GALK2: variants seen among roughly 807,000 people sequenced by gnomAD.
The protein encoded by GALK2 is N-acetylgalactosamine kinase.
A neutral mutation model predicts 52.4 loss-of-function variants in GALK2; 36 were observed. The observed-to-expected ratio is 0.69, with a 90% CI of 0.53 to 0.91. The LOEUF (loss-of-function observed/expected upper bound fraction) is 0.91, where lower values mean the gene tolerates loss of function less well. GALK2 is among the 40% of genes least tolerant of loss of function. GALK2 has a pLI of 0.00. For synonymous variants in GALK2, 176 were observed against 199.1 expected (o/e 0.88, Z 0.98); for missense variants, 579 against 559.1 (o/e 1.04, Z -0.36).
chr15:49,250,994 A>G (rs531153573), intron 5 of GALK2, among the ~76,000 whole-genome samples: 2 of 152,298 alleles, frequency 1.3e-5, no homozygotes, highest in African/African-American at 2.4e-5. Flanking sequence ...ATGTCATGCA[A>G]AAGTAGCATA....
chr15:49,314,781 A>T (rs559626404), intron 8 of GALK2, among the ~76,000 whole-genome samples: 2 of 152,358 alleles, frequency 1.3e-5, no homozygotes, highest in Admixed American at 1.3e-4. Flanking sequence ...AATAGAATGG[A>T]GAAAATATGT....
At chr15:49,309,707 G>C (rs2035831570) in intron 8 of GALK2, among the ~76,000 whole-genome samples, 1 of 151,514 alleles carries the variant, frequency 6.6e-6, no homozygotes, top group Admixed American at 6.6e-5. Flanking sequence ...TGCAACCTCT[G>C]CTTCCCGGGT....
intron 7 of GALK2, among the ~76,000 whole-genome samples, chr15:49,286,522 A>G (rs1168052070): frequency 1.3e-5 from 2 of 152,206 alleles, no homozygotes; most frequent in South Asian, 2.1e-4. Context: ...CGAGGAAAAT[A>G]AAAGCTTTTT....
chr15:49,188,401 C>T (rs367884061), intron 1 of GALK2, among the ~76,000 whole-genome samples: 42 of 152,298 alleles, frequency 2.8e-4, no homozygotes, highest in African/African-American at 9.9e-4. Flanking sequence ...TCTACTGTTA[C>T]AAGACAGCAC....
At chr15:49,182,772 TG>T (rs1488778185) in intron 1 of GALK2, among the ~76,000 whole-genome samples, 3 of 152,252 alleles carry the variant, frequency 2.0e-5, no homozygotes, top group African/African-American at 7.2e-5. Flanking sequence ...TATACCTGTT[TG>T]CCATTTTTAT....
intron 1 of GALK2, among the ~76,000 whole-genome samples, chr15:49,190,943 T>C (rs1430351273): frequency 6.6e-6 from 1 of 152,208 alleles, no homozygotes; most frequent in African/African-American, 2.4e-5. Context: ...AATTCATGAA[T>C]TGTTCATTGC....
At chr15:49,192,764 A>G (rs1359931772) in intron 1 of GALK2, among the ~76,000 whole-genome samples, 1 of 151,508 alleles carries the variant, frequency 6.6e-6, no homozygotes, top group African/African-American at 2.4e-5. Flanking sequence ...TTTAATTTGT[A>G]TTTCTATCTA....
At chr15:49,194,802 T>C (rs756524964) in intron 1 of GALK2, among the ~76,000 whole-genome samples, 3 of 150,946 alleles carry the variant, frequency 2.0e-5, no homozygotes, top group Non-Finnish European at 3.0e-5. Context: ...TCCATGTCGG[T>C]CAGGCTGGTC....
chr15:49,249,633 T>C (rs2091503350), intron 5 of GALK2, among the ~76,000 whole-genome samples: 1 of 152,198 alleles, frequency 6.6e-6, no homozygotes, highest in African/African-American at 2.4e-5. Context: ...AAAAGTAAAG[T>C]AGAGGTTCCT....
chr15:49,314,405 G>C (rs2036240665), intron 8 of GALK2, among the ~76,000 whole-genome samples: 1 of 152,154 alleles, frequency 6.6e-6, no homozygotes, highest in Non-Finnish European at 1.5e-5. Context: ...TTTACTAATT[G>C]TTTCCAAACT....
downstream of GALK2, among the ~76,000 whole-genome samples, chr15:49,332,318 A>G (rs1229745761): frequency 1.3e-5 from 2 of 152,184 alleles, no homozygotes; most frequent in Non-Finnish European, 2.9e-5. Flanking sequence ...GTGGGGAGAG[A>G]AGAGTAAAAG....
chr15:49,167,365 C>CTTTTTT (rs2084855261), upstream of GALK2, among the ~76,000 whole-genome samples: 1 of 151,040 alleles, frequency 6.6e-6, no homozygotes, highest in Admixed American at 6.6e-5. Context: ...ATTTTCTTTT[C>CTTTTTT]TTTTTTTTTG....
chr15:49,336,865 C>G (rs1453695932), downstream of GALK2, among the ~76,000 whole-genome samples: 1 of 152,158 alleles, frequency 6.6e-6, no homozygotes, highest in East Asian at 1.9e-4. Context: ...CCTCCCTTCC[C>G]TTCTCTTACA....
At chr15:49,295,972 T>A (rs1002664139) in intron 8 of GALK2, among the ~76,000 whole-genome samples, 1 of 152,184 alleles carries the variant, frequency 6.6e-6, no homozygotes, top group African/African-American at 2.4e-5. Flanking sequence ...AAGAGCAATT[T>A]GCTTATCAAA....
In GALK2 at chr15:49,266,198, G is replaced by T. The variant is rs916600779; in HGVS notation, c.505-15789G>T. ...AGGCTTGTCCAAATGGAGATCTCCA[G>T]CTTCCAAGAGCAGGTGGAGGGCAAG... On this transcript the variant is annotated intron_variant, in intron 5 of 9. Transcript: ENST00000560031. Among the ~76,000 whole-genome samples, 3 of 152,060 alleles carry T rather than the reference G, an allele frequency of 2.0e-5. 1 individual carries two copies. The highest frequency in any genetic ancestry group is 7.2e-5 in the African/African-American group (3 of 41,400).
chr15:49,357,496 G>C (rs2043369903), intron 3 of GALK2, among the ~76,000 whole-genome samples: 1 of 152,082 alleles, frequency 6.6e-6, no homozygotes. Context: ...AGAAATAATG[G>C]ATAAATTCCT....
At chr15:49,357,075 A>G (rs2043283646) in intron 3 of GALK2, among the ~76,000 whole-genome samples, 1 of 151,524 alleles carries the variant, frequency 6.6e-6, no homozygotes, top group Non-Finnish European at 1.5e-5. Flanking sequence ...TCTGGGATGC[A>G]TTCAAAGCAG....
chr15:49,249,987 A>G (rs1405406305), intron 5 of GALK2, among the ~76,000 whole-genome samples: 1 of 152,190 alleles, frequency 6.6e-6, no homozygotes, highest in African/African-American at 2.4e-5. Flanking sequence ...GGACAAATAC[A>G]GAATGTGAGG....
chr15:49,242,599 A>G (rs2141520871), intron 5 of GALK2, among the ~76,000 whole-genome samples: 1 of 152,338 alleles, frequency 6.6e-6, no homozygotes, highest in African/African-American at 2.4e-5. Flanking sequence ...TCAGTTGCAG[A>G]CAACAATTAC....
Sources: allele counts gnomAD v4.1 joint callset (sites outside exome capture counted in the v4.1 genomes callset), GRCh38; gene constraint gnomAD v4.1.1; transcripts MANE v1.5; gene names NCBI Gene and HGNC (gene_info 2026-07-23, HGNC 2026-07-21).